CDH18: variants seen among roughly 807,000 people sequenced by gnomAD.
CDH18 encodes the protein cadherin 18.
CDH18 carries 31 observed loss-of-function variants against 67.9 expected under a neutral mutation model. The observed-to-expected ratio is 0.46, with a 90% CI of 0.34 to 0.62. The LOEUF is 0.62. CDH18 is among the 20% of genes least tolerant of loss of function. The probability of loss-of-function intolerance (pLI) is 0.01; values close to 1 mark genes in which losing one functional copy is unlikely to be tolerated. For synonymous variants in CDH18, 362 were observed against 347.2 expected (o/e 1.04, Z -0.48); for missense variants, 890 against 975.5 (o/e 0.91, Z 1.17).
chr5:20,059,256 T>A (rs1361436642), intron 2 of CDH18, among the ~76,000 whole-genome samples: 3 of 152,128 alleles, frequency 2.0e-5, no homozygotes, highest in African/African-American at 7.2e-5. Context: ...GTGTGTCTAT[T>A]TTGTTAATCT....
At chr5:19,480,468 C>T (rs141630838) in intron 12 of CDH18, among the ~76,000 whole-genome samples, 1 of 151,770 alleles carries the variant, frequency 6.6e-6, no homozygotes, top group Non-Finnish European at 1.5e-5. Flanking sequence ...AGCTCCGCCT[C>T]CCGGGCTCAC....
intron 2 of CDH18, among the ~76,000 whole-genome samples, chr5:20,009,612 A>C (rs890345711): frequency 6.6e-6 from 1 of 152,142 alleles, no homozygotes; most frequent in Admixed American, 6.6e-5. Context: ...TTTTCACAAT[A>C]GTGTATTATG....
At chr5:20,036,348 T>C (rs1865717) in intron 2 of CDH18, among the ~76,000 whole-genome samples, 115,309 of 151,838 alleles carry the variant, frequency 0.76, 46,833 homozygotes, top group Non-Finnish European at 0.9. Context: ...TGTAGGTAAA[T>C]TGCTTAGCAT....
At chr5:20,148,203 T>G (rs1750812920) in intron 2 of CDH18, among the ~76,000 whole-genome samples, 1 of 151,882 alleles carries the variant, frequency 6.6e-6, no homozygotes, top group African/African-American at 2.4e-5. Context: ...GCGATTCTCC[T>G]GCCTCAGCCT....
intron 1 of CDH18, among the ~76,000 whole-genome samples, chr5:20,413,148 T>C (rs1232412539): frequency 1.3e-5 from 2 of 152,212 alleles, no homozygotes; most frequent in African/African-American, 2.4e-5. Flanking sequence ...AACTCATCCT[T>C]TTTTATGGCT....
At chr5:20,222,686 T>TC (rs1459380787) in intron 2 of CDH18, among the ~76,000 whole-genome samples, 1 of 152,080 alleles carries the variant, frequency 6.6e-6, no homozygotes, top group African/African-American at 2.4e-5. Context: ...CTTTTTTTTT[T>TC]CAATAGTGTG....
Position 19,838,946 on chromosome 5 carries a change from A to G in CDH18, c.41T>C (p.Val14Ala). The change falls in exon 3 of 13, where the codon GTG (valine) becomes GCG (alanine). Residue 14 changes from valine to alanine, a missense_variant. This residue lies in a region of CDH18 where 234 missense variants were observed against 307.4 expected (regional missense o/e 0.76). Transcript: ENST00000382275. The part of the protein sequence containing the change: ...TSTSCICPVL[V>A]CLCFVQRCYG... ...ACACCTCTGCACAAAACAGAGACAC[A>G]CTAGGACTGGACAGATGCAAGATGT... is the stretch of plus-strand genomic sequence containing the variant. The G allele has an allele frequency of 6.2e-7, 1 of 1,614,090 alleles. No individual in the cohort carries two copies. Among genetic ancestry groups the G allele is most frequent in the South Asian group, 1.1e-5 (1 of 91,084 alleles).
chr5:19,960,701 ATGTATATATGTATACACGTG>A (rs1796773498), intron 2 of CDH18, among the ~76,000 whole-genome samples: 1 of 132,350 alleles, frequency 7.6e-6, no homozygotes, highest in African/African-American at 3.8e-5. Context: ...ACGTGTATAT[ATGTATATATGTATACACGTG>A]TATATACGTA....
intron 1 of CDH18, among the ~76,000 whole-genome samples, chr5:20,283,134 C>T (rs1437439985): frequency 6.7e-6 from 1 of 149,430 alleles, no homozygotes; most frequent in Non-Finnish European, 1.5e-5. Context: ...ACACTAAGAC[C>T]TGAAACTATA....
intron 2 of CDH18, among the ~76,000 whole-genome samples, chr5:20,207,079 C>A: frequency 6.6e-6 from 1 of 150,780 alleles, no homozygotes; most frequent in Non-Finnish European, 1.5e-5. Context: ...AGGCAACATG[C>A]TAATATAGAA....
chr5:20,023,296 T>C (rs1738585825), intron 2 of CDH18, among the ~76,000 whole-genome samples: 2 of 152,272 alleles, frequency 1.3e-5, no homozygotes, highest in East Asian at 1.9e-4. Context: ...CTTGTCTCAA[T>C]TGTGTCTAAT....
At chr5:19,788,736 T>G (rs995748868) in intron 3 of CDH18, among the ~76,000 whole-genome samples, 10 of 152,196 alleles carry the variant, frequency 6.6e-5, no homozygotes, top group African/African-American at 2.2e-4. Context: ...TAATGAAGGA[T>G]TATGCCCTCC....
intron 2 of CDH18, among the ~76,000 whole-genome samples, chr5:20,047,166 G>C (rs775442490): frequency 2.0e-5 from 3 of 151,768 alleles, no homozygotes; most frequent in Non-Finnish European, 4.4e-5. Context: ...CAGGAGAGAC[G>C]AGGCAGGGGT....
At chr5:19,979,276 T>C (rs1473234790) in intron 2 of CDH18, among the ~76,000 whole-genome samples, 1 of 151,656 alleles carries the variant, frequency 6.6e-6, no homozygotes, top group African/African-American at 2.4e-5. Context: ...GGGATAGTTG[T>C]ATGAAGGAAT....
intron 1 of CDH18, among the ~76,000 whole-genome samples, chr5:20,485,046 A>G (rs2126338319): frequency 6.6e-6 from 1 of 152,278 alleles, no homozygotes; most frequent in South Asian, 2.1e-4. Flanking sequence ...TGTCAATGGT[A>G]GACTGTTGCT....
chr5:19,719,929 G>GAAAGAAAGAA (rs1765832767), intron 5 of CDH18, among the ~76,000 whole-genome samples: 1 of 150,588 alleles, frequency 6.6e-6, no homozygotes, highest in Non-Finnish European at 1.5e-5. Context: ...AAGAAAGAAA[G>GAAAGAAAGAA]AAAGAAAGAA....
chr5:19,552,362 A>G (rs1737608274), intron 8 of CDH18, among the ~76,000 whole-genome samples: 2 of 152,180 alleles, frequency 1.3e-5, no homozygotes, highest in African/African-American at 4.8e-5. Context: ...ATGTAATACA[A>G]TTATTGACTG....
intron 1 of CDH18, among the ~76,000 whole-genome samples, chr5:20,314,533 G>A (rs1302454540): frequency 6.6e-6 from 1 of 151,940 alleles, no homozygotes; most frequent in Non-Finnish European, 1.5e-5. Flanking sequence ...ACTACTTTGG[G>A]GTATCTGTGG....
At chr5:20,540,068 G>A (rs1289946559) in intron 1 of CDH18, among the ~76,000 whole-genome samples, 3 of 152,186 alleles carry the variant, frequency 2.0e-5, no homozygotes, top group East Asian at 1.9e-4. Context: ...CCTACATAGT[G>A]TAAAAATTTA....
Sources: gnomAD v4.1 joint callset for allele counts (sites outside exome capture counted in the v4.1 genomes callset) on GRCh38, gnomAD v4.1.1 for gene constraint, gnomAD v4.1.1 regional missense constraint, MANE v1.5 for transcripts, NCBI Gene and HGNC (gene_info 2026-07-23, HGNC 2026-07-21) for gene names.